The following PCM1 variants were observed in gnomAD, a reference collection of about 807,000 sequenced individuals.
PCM1 encodes the protein pericentriolar material 1 protein.
A neutral mutation model predicts 241.9 loss-of-function variants in PCM1; 157 were observed. The ratio of observed to expected loss-of-function variants is 0.65; its 90% CI spans 0.57 to 0.74. The LOEUF (loss-of-function observed/expected upper bound fraction) is 0.74. Ranked by LOEUF, PCM1 falls within the 30% of genes least tolerant of loss-of-function variation. The pLI is 0.00. For missense variants in PCM1, 3,478 were observed against 2,360.1 expected (o/e 1.47, Z -9.81); for synonymous variants, 1,085 against 784.9 (o/e 1.38, Z -6.39).
At chr8:18,024,220 G>A (rs2093984570) in intron 36 of PCM1, among the ~76,000 whole-genome samples, 1 of 152,130 alleles carries the variant, frequency 6.6e-6, no homozygotes, top group African/African-American at 2.4e-5. Context: ...TTAAAAATTA[G>A]CCAGGCGTGA....
At chr8:18,005,197 C>T (rs1040351866) in intron 29 of PCM1, among the ~76,000 whole-genome samples, 2 of 152,004 alleles carry the variant, frequency 1.3e-5, no homozygotes, top group African/African-American at 4.8e-5. Context: ...AGTAATGTCT[C>T]CTGTGAGCCA....
chr8:17,956,191 A>G (rs1563893593), intron 10 of PCM1, among the ~76,000 whole-genome samples: 1 of 152,202 alleles, frequency 6.6e-6, no homozygotes, highest in African/African-American at 2.4e-5. Context: ...ATATGTGCAG[A>G]CAAATCAAGA....
At chr8:17,958,944 A>G (rs1209491029) in intron 13 of PCM1, among the ~76,000 whole-genome samples, 3 of 151,818 alleles carry the variant, frequency 2.0e-5, no homozygotes, top group Non-Finnish European at 4.4e-5. Context: ...CTGGTCTTGA[A>G]CTCCTGGCCT....
chr8:17,959,096 A>G (rs1390348498), intron 13 of PCM1, among the ~76,000 whole-genome samples: 1 of 152,102 alleles, frequency 6.6e-6, no homozygotes, highest in Non-Finnish European at 1.5e-5. Flanking sequence ...CTCTGCAGTT[A>G]GGTACATCAC....
At chr8:18,014,496 T>C in intron 35 of PCM1, 88 bp from the exon 36 acceptor site, 1 of 1,015,948 alleles carries the variant, frequency 9.8e-7, no homozygotes, top group Non-Finnish European at 1.4e-6. Flanking sequence ...TGATTGCTCT[T>C]ATTCAGGCGT....
At chr8:18,014,206 G>T (rs2092883050) in intron 35 of PCM1, among the ~76,000 whole-genome samples, 170 bp downstream of exon 35, 1 of 151,226 alleles carries the variant, frequency 6.6e-6, no homozygotes, top group African/African-American at 2.4e-5. Context: ...GAAAACATAA[G>T]AATTTGTTTC....
chr8:17,966,940 A>T (rs772967487), intron 20 of PCM1, 40 bp from the exon 21 acceptor site: 1 of 1,523,316 alleles, frequency 6.6e-7, no homozygotes, highest in Admixed American at 2.1e-5. Context: ...ATATATGGCA[A>T]TATAACTGAT....
chr8:17,946,812 T>A (rs1258147279), intron 6 of PCM1, among the ~76,000 whole-genome samples: 1 of 150,914 alleles, frequency 6.6e-6, no homozygotes, highest in African/African-American at 2.5e-5. Context: ...GCTCCTTTTC[T>A]GTAGGGGCCT....
rs1457195824 is a variant in PCM1 at position 17,937,191 on chromosome 8, T to G, written c.154T>G (p.Phe52Val). The change falls in exon 4 of 39, where the codon TTT becomes GTT. Residue 52 changes from phenylalanine to valine, a missense_variant. By Grantham distance (50) the Phe-to-Val change is conservative. Coordinates refer to ENST00000325083, the MANE Select transcript of PCM1 (RefSeq NM_006197.4). ...ATCATCAGAAAAGAATAAGAAAAAG[T>G]TTGGTGTAGAAAGTGATAAAAGAGT... is the stretch of plus-strand genomic sequence containing the variant. The part of the protein sequence containing the change: ...NRSSEKNKKK[F>V]GVESDKRVTN... 1 of 1,595,782 alleles carries G rather than the reference T, an allele frequency of 6.3e-7. No homozygotes were observed. The highest frequency in any genetic ancestry group is 1.1e-5 in the South Asian group (1 of 88,510).
intron 24 of PCM1, chr8:17,983,335 C>A: frequency 8.6e-7 from 1 of 1,168,058 alleles, no homozygotes; most frequent in South Asian, 1.3e-5. Context: ...TTAATTTTTT[C>A]CCATTGGTCC....
At chr8:17,962,577 A>C (rs2072923260) in intron 16 of PCM1, among the ~76,000 whole-genome samples, 2 of 152,058 alleles carry the variant, frequency 1.3e-5, no homozygotes, top group Non-Finnish European at 2.9e-5. Context: ...TTTCCTAAAT[A>C]ATTTCTGAAG....
intron 13 of PCM1, among the ~76,000 whole-genome samples, chr8:17,958,016 A>C (rs1197601870): frequency 6.6e-6 from 1 of 152,212 alleles, no homozygotes; most frequent in Non-Finnish European, 1.5e-5. Flanking sequence ...ACAATTTCAC[A>C]ATGCAAAAGC....
chr8:18,022,008 G>C (rs963381784), intron 36 of PCM1, among the ~76,000 whole-genome samples: 4 of 152,176 alleles, frequency 2.6e-5, no homozygotes, highest in African/African-American at 9.7e-5. Context: ...TTAGAACGTG[G>C]AGATTGGATC....
At chr8:17,943,062 G>T (rs2129451705) in intron 6 of PCM1, among the ~76,000 whole-genome samples, 1 of 151,972 alleles carries the variant, frequency 6.6e-6, no homozygotes, top group East Asian at 1.9e-4. Context: ...CTGTTGGCAG[G>T]AGCAAAGTAC....
chr8:17,985,446 G>A lies in PCM1; in HGVS notation c.4109-1G>A. On this transcript the variant is annotated splice_acceptor_variant, in intron 24 of 38. Coordinates refer to ENST00000325083, the MANE Select transcript of PCM1 (RefSeq NM_006197.4). LOFTEE classifies it high-confidence loss of function. ...ACTTTCTGGTCTTTTATGTATTCCAGAAACTGGGAGTGATTTTTCCATGTT... is the reference window on the plus strand; with the variant it reads ...ACTTTCTGGTCTTTTATGTATTCCAAAAACTGGGAGTGATTTTTCCATGTT... The A allele has an allele frequency of 6.5e-7, 1 of 1,547,892 alleles. No individual in the cohort carries two copies. Among genetic ancestry groups the A allele is most frequent in the South Asian group, 1.2e-5 (1 of 83,030 alleles).
chr8:17,937,177 A>C lies in PCM1; in HGVS notation c.140A>C (p.Lys47Thr), dbSNP rs1248292075. The C allele has an allele frequency of 6.3e-7, 1 of 1,584,870 alleles. No individual in the cohort carries two copies. The highest frequency in any genetic ancestry group is 2.3e-5 in the East Asian group (1 of 44,054). ...AAGAAAGCAAATAGATCATCAGAAAAGAATAAGAAAAAGTTTGGTGTAGAA... is the reference window on the plus strand; with the variant it reads ...AAGAAAGCAAATAGATCATCAGAAACGAATAAGAAAAAGTTTGGTGTAGAA... Reference protein sequence around the residue: ...QQKKANRSSEKNKKKFGVESD... With the variant: ...QQKKANRSSETNKKKFGVESD... Residue 47 changes from lysine to threonine, a missense_variant, in exon 4 of 39, where the codon AAG (lysine) becomes ACG (threonine). Lys to Thr is a moderately conservative substitution (Grantham distance 78). Coordinates refer to ENST00000325083, the MANE Select transcript of PCM1 (RefSeq NM_006197.4).
chr8:17,963,892 C>T (rs2073706813), intron 17 of PCM1, among the ~76,000 whole-genome samples: 1 of 152,146 alleles, frequency 6.6e-6, no homozygotes, highest in Non-Finnish European at 1.5e-5. Context: ...TGGAGTTTTG[C>T]ACCAAGCCCT....
rs1308947073 is a variant in PCM1, at chr8:18,014,814, G to A, written c.5815G>A (p.Glu1939Lys). 1 of 1,602,020 alleles carries A rather than the reference G, an allele frequency of 6.2e-7. No individual in the cohort carries two copies. Among genetic ancestry groups the A allele is most frequent in the East Asian group, 2.3e-5 (1 of 44,436 alleles). The change falls in exon 36 of 39, where the codon GAA (glutamate) becomes AAA (lysine). Residue 1939 changes from glutamate to lysine, a missense_variant. Transcript: ENST00000325083. ...CTCTCTGGCTGGAAGTCCTGATACT[G>A]AATCTCCAGTGTTAGTGAATGACTA... ...ESSLAGSPDT[E>K]SPVLVNDYEA... is the part of the protein sequence containing the mutation.
Position 18,014,597 on chromosome 8 carries a change from C to G in PCM1, c.5598C>G (p.Asn1866Lys). 6.2e-7 allele frequency: 1 copy of G among 1,603,114 alleles called. No homozygotes were observed. Among genetic ancestry groups the G allele is most frequent in the Non-Finnish European group, 8.5e-7 (1 of 1,173,168 alleles). ...REATSKNDQN[N>K]CPVKPCYLNI... ...TTTTGATGACAGATGACCAAAATAA[C>G]TGTCCTGTGAAACCCTGTTACCTCA... The change falls in exon 36 of 39, where the codon AAC becomes AAG. Residue 1866 changes from asparagine to lysine, a missense_variant. By Grantham distance (94) the Asn-to-Lys change is moderately conservative (BLOSUM62 0). Coordinates refer to ENST00000325083, the MANE Select transcript of PCM1 (RefSeq NM_006197.4).
Sources: gnomAD v4.1 joint callset for allele counts (sites outside exome capture counted in the v4.1 genomes callset) on GRCh38, gnomAD v4.1.1 for gene constraint, MANE v1.5 for transcripts, NCBI Gene and HGNC (gene_info 2026-07-23, HGNC 2026-07-21) for gene names.